Variants in AGAP1 observed in about 807,000 individuals in gnomAD.
AGAP1 encodes the protein arf-GAP with GTPase, ANK repeat and PH domain-containing protein 1.
A neutral mutation model predicts 105.3 loss-of-function variants in AGAP1; 29 were observed. The ratio of observed to expected loss-of-function variants is 0.28; its 90% CI spans 0.21 to 0.38. AGAP1 has a LOEUF of 0.38. AGAP1 is among the 10% of genes least tolerant of loss of function. The pLI, the probability that AGAP1 is intolerant of heterozygous loss-of-function variation, is 1.00. For missense variants in AGAP1, 998 were observed against 1,165.1 expected (o/e 0.86, Z 2.09); for synonymous variants, 509 against 485.9 (o/e 1.05, Z -0.63).
intron 9 of AGAP1, among the ~76,000 whole-genome samples, chr2:235,863,395 A>G (rs144401469): frequency 3.3e-5 from 5 of 152,272 alleles, no homozygotes; most frequent in Non-Finnish European, 5.9e-5. Context: ...TTAGCATATA[A>G]TCAATACAAG....
intron 12 of AGAP1, among the ~76,000 whole-genome samples, chr2:235,943,929 G>T (rs2053376354): frequency 6.6e-6 from 1 of 152,008 alleles, no homozygotes; most frequent in African/African-American, 2.4e-5. Flanking sequence ...GACAGATAAG[G>T]TTATTAACAG....
intron 1 of AGAP1, among the ~76,000 whole-genome samples, chr2:235,651,416 T>C (rs1201891792): frequency 6.6e-6 from 1 of 152,158 alleles, no homozygotes; most frequent in African/African-American, 2.4e-5. Context: ...AAGGGAAACA[T>C]ATTTGCAGTG....
At chr2:236,034,832 A>T (rs2057331019) in intron 13 of AGAP1, among the ~76,000 whole-genome samples, 1 of 152,190 alleles carries the variant, frequency 6.6e-6, no homozygotes, top group Non-Finnish European at 1.5e-5. Flanking sequence ...GCACCTAGGG[A>T]GTCACAGACC....
chr2:235,682,639 C>T (rs1050987819), intron 1 of AGAP1, among the ~76,000 whole-genome samples: 2 of 152,124 alleles, frequency 1.3e-5, no homozygotes, highest in Non-Finnish European at 2.9e-5. Flanking sequence ...TCCACCATGC[C>T]TGGCACAGAA....
intron 13 of AGAP1, among the ~76,000 whole-genome samples, chr2:236,026,806 C>T (rs1247614826): frequency 1.3e-5 from 2 of 152,116 alleles, no homozygotes; most frequent in Admixed American, 6.5e-5. Context: ...TTCAAAAGGC[C>T]CAACCATCTT....
rs1378468224 is a variant in AGAP1 at position 236,090,647 on chromosome 2, AG to A, written c.2115-29540del. On this transcript the variant is annotated intron_variant, in intron 16 of 17. Coordinates refer to ENST00000304032, the MANE Select transcript of AGAP1 (RefSeq NM_001037131.3). The surrounding 1 kb of genome is among the most constrained non-coding windows in gnomAD (Gnocchi z 4.3). Reference sequence around the variant, plus strand: ...TTTTGGATATTGAAAGCTAGCAGGGAGGGGGTCTTCCTGGTTATACGGCCCA... The same window carrying A: ...TTTTGGATATTGAAAGCTAGCAGGGAGGGGTCTTCCTGGTTATACGGCCCA... Among the ~76,000 whole-genome samples, 1 of 152,086 alleles carries A rather than the reference AG, an allele frequency of 6.6e-6. No individual in the cohort carries two copies. Among genetic ancestry groups the A allele is most frequent in the African/African-American group, 2.4e-5 (1 of 41,402 alleles).
intron 12 of AGAP1, among the ~76,000 whole-genome samples, chr2:235,954,163 C>T (rs1056965371): frequency 2.6e-4 from 39 of 151,740 alleles, no homozygotes; most frequent in Non-Finnish European, 1.9e-4. Flanking sequence ...CGCTTGAACC[C>T]GGGAGGCAGA....
intron 6 of AGAP1, among the ~76,000 whole-genome samples, chr2:235,781,379 G>A (rs555579244): frequency 6.6e-6 from 1 of 152,262 alleles, no homozygotes; most frequent in Non-Finnish European, 1.5e-5. Flanking sequence ...CTTAAGTAGG[G>A]CAGTTTAAAT....
rs754957776 is a variant in AGAP1 at position 236,040,700 on chromosome 2, G to A, written c.1801-51G>A. The A allele has an allele frequency of 2.3e-5, 37 of 1,576,266 alleles. No homozygotes were observed. Among genetic ancestry groups the A allele is most frequent in the Middle Eastern group, 2.3e-4 (1 of 4,428 alleles). On this transcript the variant is annotated intron_variant, in intron 14 of 17. Coordinates refer to ENST00000304032, the MANE Select transcript of AGAP1 (RefSeq NM_001037131.3). This position sits in a 1 kb window ranked among gnomAD's most constrained non-coding sequence, Gnocchi z 5.6. The stretch of plus-strand genomic sequence containing the variant: ...TTCCCTGATGTTATCAGTGATGTGC[G>A]TTTCTCCCGGGGTGCTTACGCCTTG...
chr2:236,095,901 G>T lies in AGAP1; in HGVS notation c.2115-24291G>T, dbSNP rs1272157543. 6.6e-6 allele frequency among the ~76,000 whole-genome samples: 1 copy of T among 152,154 alleles called. No individual in the cohort carries two copies. Among genetic ancestry groups the T allele is most frequent in the African/African-American group, 2.4e-5 (1 of 41,430 alleles). On this transcript the variant is annotated intron_variant, in intron 16 of 17. Coordinates refer to ENST00000304032, the MANE Select transcript of AGAP1 (RefSeq NM_001037131.3). The surrounding 1 kb of genome is among the most constrained non-coding windows in gnomAD (Gnocchi z 4.1). ...TTAGGATGTGCCTCTCCATAGAGAA[G>T]AAGTTCACATTCCTTTTCTGTGTGA...
At chr2:235,897,884 G>T (rs1470407161) in intron 10 of AGAP1, among the ~76,000 whole-genome samples, 2 of 152,182 alleles carry the variant, frequency 1.3e-5, no homozygotes, top group Non-Finnish European at 2.9e-5. Context: ...GTAGGGAGGG[G>T]CAGGGCTGGA....
chr2:235,783,348 T>G, intron 6 of AGAP1: 1 of 471,386 alleles, frequency 2.1e-6, no homozygotes, highest in Non-Finnish European at 4.4e-6. Context: ...ATGCTTAATG[T>G]TCTAAAAGCT....
In AGAP1 at chr2:235,877,190, A is replaced by G. The variant is rs1200620500; in HGVS notation, c.1051-6155A>G. Among the ~76,000 whole-genome samples, 1 of 152,164 alleles carries G rather than the reference A, an allele frequency of 6.6e-6. No homozygotes were observed. Among genetic ancestry groups the G allele is most frequent in the Non-Finnish European group, 1.5e-5 (1 of 68,046 alleles). On this transcript the variant is annotated intron_variant, in intron 9 of 17. Coordinates refer to ENST00000304032, the MANE Select transcript of AGAP1 (RefSeq NM_001037131.3). The surrounding 1 kb of genome is among the most constrained non-coding windows in gnomAD (Gnocchi z 4.3). ...AAATCTCATGAATCCTTCAACATTG[A>G]TTTAACTGTTTTGATAATAATTATG...
chr2:235,693,080 G>A (rs1949817048), intron 1 of AGAP1, among the ~76,000 whole-genome samples: 1 of 152,142 alleles, frequency 6.6e-6, no homozygotes, highest in South Asian at 2.1e-4. Context: ...AGTCACCACT[G>A]GGGAAGGCCA....
chr2:235,950,873 G>C (rs911347033), intron 12 of AGAP1, among the ~76,000 whole-genome samples: 1 of 146,736 alleles, frequency 6.8e-6, no homozygotes, highest in African/African-American at 2.5e-5. Context: ...AATGTAACTC[G>C]GGATCTCCAA....
chr2:235,686,660 TATA>T (rs1559351252), intron 1 of AGAP1, among the ~76,000 whole-genome samples: 954 of 63,010 alleles, frequency 0.015, 44 homozygotes, highest in Non-Finnish European at 0.022. Flanking sequence ...TATATATATA[TATA>T]TATTTTTTTT....
rs1448138288 is a variant in AGAP1, at chr2:235,893,286, G to C, written c.1155+9837G>C. Among the ~76,000 whole-genome samples, 4 of 150,950 alleles carry C rather than the reference G, an allele frequency of 2.6e-5. No homozygotes were observed. The highest frequency in any genetic ancestry group is 4.4e-5 in the Non-Finnish European group (3 of 67,856). ...AAGGAAGCGCCGTGTCTGTAGCGTG[G>C]GTGTAGCGTGTCTGTGGCGCAGGTG... On this transcript the variant is annotated intron_variant, in intron 10 of 17. Coordinates refer to ENST00000304032, the MANE Select transcript of AGAP1 (RefSeq NM_001037131.3). The surrounding 1 kb of genome is among the most constrained non-coding windows in gnomAD (Gnocchi z 4.7).
At chr2:236,023,343 T>C (rs1424005765) in intron 13 of AGAP1, among the ~76,000 whole-genome samples, 1 of 152,216 alleles carries the variant, frequency 6.6e-6, no homozygotes, top group East Asian at 1.9e-4. Flanking sequence ...AAAGATGAAG[T>C]GGGCTGCTCA....
chr2:235,980,490 C>T (rs558402228), intron 13 of AGAP1, among the ~76,000 whole-genome samples: 1 of 152,228 alleles, frequency 6.6e-6, no homozygotes. Context: ...TTTAATGATA[C>T]AGTGTTTGAT....
Sources: gnomAD v4.1 joint callset for allele counts (sites outside exome capture counted in the v4.1 genomes callset) on GRCh38, gnomAD v4.1.1 for gene constraint, Gnocchi (gnomAD v3.1) non-coding constraint, MANE v1.5 for transcripts, NCBI Gene and HGNC (gene_info 2026-07-23, HGNC 2026-07-21) for gene names.